Variants in NTSR2 observed in about 807,000 individuals in gnomAD.
NTSR2 encodes neurotensin receptor 2.
In NTSR2, 22 loss-of-function variants were observed where a neutral mutation model predicts 24.1. That is an observed-to-expected ratio of 0.91 (90% CI 0.65 to 1.30). NTSR2 has a LOEUF of 1.30. Among genes scored for constraint, NTSR2 ranks in the 50% most tolerant of loss-of-function variants. The probability of loss-of-function intolerance (pLI) is 0.00; values close to 1 mark genes in which losing one functional copy is unlikely to be tolerated. For missense variants in NTSR2, 570 were observed against 570.4 expected (o/e 1.00, Z 0.01); for synonymous variants, 291 against 267.0 (o/e 1.09, Z -0.88).
intron 1 of NTSR2, among the ~76,000 whole-genome samples, chr2:11,664,171 C>T (rs1034734620): frequency 5.5e-5 from 8 of 145,716 alleles, no homozygotes; most frequent in Non-Finnish European, 8.9e-5. Flanking sequence ...GACTAGAGTG[C>T]GGTAGTGCAA....
At chr2:11,666,658 G>T (rs554063626) in intron 1 of NTSR2, among the ~76,000 whole-genome samples, 1 of 152,158 alleles carries the variant, frequency 6.6e-6, no homozygotes, top group African/African-American at 2.4e-5. Context: ...GAGAATGTGC[G>T]ACTGCAATCC....
chr2:11,669,460 G>GGGCGGGGCCCCCC, intron 1 of NTSR2, 46 bp downstream of exon 1: 1 of 254,726 alleles, frequency 3.9e-6, no homozygotes, highest in Non-Finnish European at 6.9e-6. Context: ...TCCCAGCACC[G>GGGCGGGGCCCCCC]CCCCCCCACC....
At chr2:11,669,104 C>G (rs1449133561) in intron 1 of NTSR2, among the ~76,000 whole-genome samples, 2 of 152,082 alleles carry the variant, frequency 1.3e-5, no homozygotes. Context: ...TTCCCCGTCC[C>G]CACCCTACCT....
chr2:11,667,512 C>T (rs1416356269), intron 1 of NTSR2, among the ~76,000 whole-genome samples: 4 of 152,038 alleles, frequency 2.6e-5, no homozygotes, highest in African/African-American at 9.7e-5. Flanking sequence ...GCCCAGCTAA[C>T]TATTTTATTT....
At chr2:11,669,460 G>GGGGGGGGGGCCCC in intron 1 of NTSR2, 46 bp downstream of exon 1, 1 of 254,726 alleles carries the variant, frequency 3.9e-6, no homozygotes. Context: ...TCCCAGCACC[G>GGGGGGGGGGCCCC]CCCCCCCACC....
chr2:11,667,834 G>C (rs920360830), intron 1 of NTSR2, among the ~76,000 whole-genome samples: 6 of 152,234 alleles, frequency 3.9e-5, no homozygotes, highest in Non-Finnish European at 8.8e-5. Context: ...AGACCCACGG[G>C]AAAATCACTG....
chr2:11,662,653 C>T (rs777316527), intron 1 of NTSR2, among the ~76,000 whole-genome samples: 10 of 152,016 alleles, frequency 6.6e-5, no homozygotes, highest in Non-Finnish European at 8.8e-5. Flanking sequence ...TGGTAGCGGG[C>T]GCCTGTAGTC....
In NTSR2 at chr2:11,663,655, A is replaced by G. The variant is rs529151234; in HGVS notation, c.625-1415T>C. Among the ~76,000 whole-genome samples the G allele has an allele frequency of 4.6e-5, 7 of 152,332 alleles. No homozygotes were observed. In the South Asian group the frequency reaches 1.4e-3, roughly 32 times the overall value. The stretch of plus-strand genomic sequence containing the variant: ...AGTCACAATTACATAAATACTGAAC[A>G]TAAATTTAACCCAGCACAGGGATAG... On this transcript the variant is annotated intron_variant, in intron 1 of 3. Transcript: ENST00000306928.
At position 11,669,551 on chromosome 2, in the gene NTSR2, C is replaced by G. The variant is rs1051965133; in HGVS notation, c.579G>C (p.Val193=). 6.5e-7 allele frequency: 1 copy of G among 1,545,652 alleles called. No individual in the cohort carries two copies. The change falls in exon 1 of 4, where the codon GTG becomes GTC. Residue 193 remains valine, a synonymous_variant. Coordinates refer to ENST00000306928, the MANE Select transcript of NTSR2 (RefSeq NM_012344.4). ...CGGTGCGGCTCACCAGCACCGTGCA[C>G]ACTCGCGAGGCGGGCTCCGGCTCCC... is the stretch of plus-strand genomic sequence containing the variant. The part of the protein sequence containing the change: ...ADGEPEPASR[V]CTVLVSRTAL...
Position 11,658,490 on chromosome 2 carries a change from T to A in NTSR2, c.1222A>T (p.Thr408Ser). 1 of 1,603,728 alleles carries A rather than the reference T, an allele frequency of 6.2e-7. No individual in the cohort carries two copies. The highest frequency in any genetic ancestry group is 8.5e-7 in the Non-Finnish European group (1 of 1,174,140). ...TASGFGDPPETRT is the reference protein window; with the variant it reads ...TASGFGDPPESRT Reference sequence around the variant, plus strand: ...TTCTTGCATTACATTCAGGTCCGGGTTTCTGGGGGATCCCCAAAGCCTGAA... The same window carrying A: ...TTCTTGCATTACATTCAGGTCCGGGATTCTGGGGGATCCCCAAAGCCTGAA... The change falls in exon 4 of 4, where the codon ACC (threonine) becomes TCC (serine). Residue 408 changes from threonine to serine, a missense_variant. Thr to Ser is a moderately conservative substitution (Grantham distance 58). Transcript: ENST00000306928.
At chr2:11,669,386 T>G in intron 1 of NTSR2, 120 bp downstream of exon 1, 1 of 911,282 alleles carries the variant, frequency 1.1e-6, no homozygotes, top group Non-Finnish European at 1.5e-6. Flanking sequence ...AGACCCAACT[T>G]GCTGGGTGGT....
At chr2:11,669,460 G>GGGGCGGGGGGGCCCCCCCCC in intron 1 of NTSR2, 46 bp downstream of exon 1, 1 of 254,726 alleles carries the variant, frequency 3.9e-6, no homozygotes, top group Non-Finnish European at 6.9e-6. Context: ...TCCCAGCACC[G>GGGGCGGGGGGGCCCCCCCCC]CCCCCCCACC....
rs988113295 is a variant in NTSR2 at position 11,669,637 on chromosome 2, C to T, written c.493G>A (p.Gly165Ser). ...ATGACGGCCATGGGCAGGGCGAGGC[C>T]GAGCGAGGCGGCCCACGAGAGCGCC... ...LVALSWAASLGLALPMAVIMG... is the reference protein window; with the variant it reads ...LVALSWAASLSLALPMAVIMG... The change falls in exon 1 of 4, where the codon GGC (glycine) becomes AGC (serine). Residue 165 changes from glycine (G) to serine (S), a missense_variant. Transcript: ENST00000306928. The T allele has an allele frequency of 1.3e-6, 2 of 1,563,420 alleles. No individual in the cohort carries two copies. Among genetic ancestry groups the T allele is most frequent in the African/African-American group, 2.7e-5 (2 of 73,298 alleles).
rs1014951163 is a variant in NTSR2 at position 11,661,894 on chromosome 2, G to A, written c.898+73C>T. On this transcript the variant is annotated intron_variant, in intron 2 of 3. Coordinates refer to ENST00000306928, the MANE Select transcript of NTSR2 (RefSeq NM_012344.4). ...AGGTAGTGACTTGCTGAGGTCACCCGGCCAGGGATTGGTGGAGGCAGCCCT... is the reference window on the plus strand; with the variant it reads ...AGGTAGTGACTTGCTGAGGTCACCCAGCCAGGGATTGGTGGAGGCAGCCCT... 36 of 1,391,732 alleles carry A rather than the reference G, an allele frequency of 2.6e-5. No individual in the cohort carries two copies. The Admixed American group carries it at 6.9e-4, about 26-fold the overall frequency. 86.2% of individuals were successfully genotyped at this position (1,391,732 alleles called of 1,614,324 possible). A position where few individuals can be genotyped will look rare whatever the true frequency, so the allele number is the denominator to read the frequency against.
chr2:11,669,097 C>G (rs957837780), intron 1 of NTSR2, among the ~76,000 whole-genome samples: 1 of 152,076 alleles, frequency 6.6e-6, no homozygotes, highest in African/African-American at 2.4e-5. Context: ...GAGTGCCTTC[C>G]CCGTCCCCAC....
At chr2:11,669,226 A>G (rs1661267065) in intron 1 of NTSR2, among the ~76,000 whole-genome samples, 1 of 152,348 alleles carries the variant, frequency 6.6e-6, no homozygotes, top group Middle Eastern at 3.4e-3. Flanking sequence ...CAGGCTCTGC[A>G]GGCAACTTTA....
At chr2:11,659,700 A>G (rs1661028463) in intron 3 of NTSR2, among the ~76,000 whole-genome samples, 1 of 151,724 alleles carries the variant, frequency 6.6e-6, no homozygotes, top group South Asian at 2.1e-4. Flanking sequence ...TCTTCCTCAC[A>G]CTCTCCTTGG....
Position 11,669,882 on chromosome 2 carries a change from A to T in NTSR2, c.248T>A (p.Leu83Gln). The change falls in exon 1 of 4, where the codon CTG becomes CAG. Residue 83 changes from leucine to glutamine, a missense_variant. Coordinates refer to ENST00000306928, the MANE Select transcript of NTSR2 (RefSeq NM_012344.4). ...LSLALAGLLL[L>Q]LVGVPVELYS... ...GAGCTCCACCGGCACGCCGACCAGC[A>T]GCAGCAGCAGGCCCGCGAGCGCCAG... is the stretch of plus-strand genomic sequence containing the variant. 6.3e-7 allele frequency: 1 copy of T among 1,583,654 alleles called. No individual in the cohort carries two copies.
chr2:11,658,429 T>C lies in NTSR2; in HGVS notation c.*50A>G, dbSNP rs1183569701. 3 of 1,531,530 alleles carry C rather than the reference T, an allele frequency of 2.0e-6. No individual in the cohort carries two copies. In the Admixed American group the frequency reaches 6.4e-5, roughly 32 times the overall value. The allele number at this position is 1,531,530 out of a possible 1,614,324, so 94.9% of individuals were successfully genotyped here. A position where few individuals can be genotyped will look rare whatever the true frequency, so the allele number is the denominator to read the frequency against. The stretch of plus-strand genomic sequence containing the variant: ...GAGGTTGCTCACCTGCTTTGCCAGG[T>C]GACTAAGCAGCTGGTCATTTTGCTT... On this transcript the variant is annotated 3_prime_UTR_variant, in exon 4 of 4. Transcript: ENST00000306928.
Sources: allele counts gnomAD v4.1 joint callset (sites outside exome capture counted in the v4.1 genomes callset), GRCh38; gene constraint gnomAD v4.1.1; transcripts MANE v1.5; gene names NCBI Gene and HGNC (gene_info 2026-07-23, HGNC 2026-07-21).